Variants in TTC7B observed in about 807,000 individuals in gnomAD.
The protein encoded by TTC7B is tetratricopeptide repeat domain 7B.
A neutral mutation model predicts 106.8 loss-of-function variants in TTC7B; 28 were observed. The ratio of observed to expected loss-of-function variants is 0.26; its 90% CI spans 0.19 to 0.36. TTC7B has a LOEUF of 0.36. Ranked by LOEUF, TTC7B falls within the 10% of genes least tolerant of loss-of-function variation. The pLI is 1.00. For synonymous variants in TTC7B, 405 were observed against 430.6 expected (o/e 0.94, Z 0.74); for missense variants, 862 against 1,076.4 (o/e 0.80, Z 2.79).
At position 90,644,165 on chromosome 14, in the gene TTC7B, T is replaced by G; in HGVS notation, c.1634A>C (p.Gln545Pro). 2.5e-6 allele frequency: 4 copies of G among 1,612,366 alleles called. No homozygotes were observed. Among genetic ancestry groups the G allele is most frequent in the Non-Finnish European group, 3.4e-6 (4 of 1,179,380 alleles). Residue 545 changes from glutamine (Q) to proline (P), a missense_variant, in exon 15 of 20, where the codon CAA becomes CCA. Transcript: ENST00000328459. ...GTGCAGGGAGTTGGCATCGTCACCTTGAAGCTGAAGAGCTTGGCGGACATA... is the reference window on the plus strand; with the variant it reads ...GTGCAGGGAGTTGGCATCGTCACCTGGAAGCTGAAGAGCTTGGCGGACATA... ...LGYVRQALQL[Q>P]GDDANSLHLL...
chr14:90,786,070 G>T, intron 2 of TTC7B, 104 bp downstream of exon 2: 1 of 1,285,730 alleles, frequency 7.8e-7, no homozygotes, highest in Non-Finnish European at 1.0e-6. Context: ...AGCCCTGGCA[G>T]TGTGCAGGTG....
At chr14:90,682,512 T>A (rs1332438338) in intron 7 of TTC7B, among the ~76,000 whole-genome samples, 2 of 152,218 alleles carry the variant, frequency 1.3e-5, no homozygotes, top group Non-Finnish European at 2.9e-5. Flanking sequence ...TTCCGGCCAA[T>A]TCCTTCCCTC....
At chr14:90,764,780 G>A (rs893975078) in intron 3 of TTC7B, among the ~76,000 whole-genome samples, 1 of 152,116 alleles carries the variant, frequency 6.6e-6, no homozygotes, top group African/African-American at 2.4e-5. Context: ...ATACACTCTA[G>A]GATGGCTATA....
intron 3 of TTC7B, among the ~76,000 whole-genome samples, chr14:90,773,503 C>A (rs1890928531): frequency 6.6e-6 from 1 of 152,104 alleles, no homozygotes; most frequent in African/African-American, 2.4e-5. Context: ...CCGCAGGGAA[C>A]GATAATACTA....
rs7157773 is a variant in TTC7B, at chr14:90,666,456, C to T, written c.1153-8069G>A. On this transcript the variant is annotated intron_variant, in intron 9 of 19. Transcript: ENST00000328459. ...GATTACAGGTGTGAGCCACCACACT[C>T]GGCACTCCTAAATTAACTAAAAATG... 2.0e-3 allele frequency among the ~76,000 whole-genome samples: 310 copies of T among 152,204 alleles called. 3 individuals are homozygous for T. The highest frequency in any genetic ancestry group is 7.1e-3 in the African/African-American group (295 of 41,510).
chr14:90,661,553 T>C lies in TTC7B; in HGVS notation c.1153-3166A>G, dbSNP rs186411797. Among the ~76,000 whole-genome samples the C allele has an allele frequency of 4.5e-3, 687 of 151,800 alleles. 7 individuals carry two copies. The highest frequency in any genetic ancestry group is 0.01 in the Middle Eastern group (3 of 294). On this transcript the variant is annotated intron_variant, in intron 9 of 19. Coordinates refer to ENST00000328459, the MANE Select transcript of TTC7B (RefSeq NM_001010854.2). Reference sequence around the variant, plus strand: ...ACTTGGGGATGGGGATGAGGGACGATGGAGGAGGAGGAGATGAGAATGATC... The same window carrying C: ...ACTTGGGGATGGGGATGAGGGACGACGGAGGAGGAGGAGATGAGAATGATC...
chr14:90,795,923 T>C (rs60854008), intron 1 of TTC7B, among the ~76,000 whole-genome samples: 4,292 of 152,248 alleles, frequency 0.028, 171 homozygotes, highest in African/African-American at 0.09. Context: ...CTGATAGTCC[T>C]GGAAACAATA....
intron 19 of TTC7B, among the ~76,000 whole-genome samples, chr14:90,554,723 G>A (rs1025605115): frequency 1.3e-5 from 2 of 152,228 alleles, no homozygotes; most frequent in Non-Finnish European, 2.9e-5. Flanking sequence ...GAGGATGAGG[G>A]AGGACATTTC....
At chr14:90,729,569 G>A (rs1176695664) in intron 5 of TTC7B, among the ~76,000 whole-genome samples, 1 of 152,230 alleles carries the variant, frequency 6.6e-6, no homozygotes, top group Non-Finnish European at 1.5e-5. Flanking sequence ...GCACTCGAGA[G>A]CTGTCCCTCC....
chr14:90,686,208 A>T (rs1467998808), intron 7 of TTC7B, among the ~76,000 whole-genome samples: 1 of 152,246 alleles, frequency 6.6e-6, no homozygotes, highest in Admixed American at 6.5e-5. Flanking sequence ...ACACCACAGC[A>T]TTAGAATAAA....
At chr14:90,694,638 A>ATGTATAATATATT (rs1887609525) in intron 6 of TTC7B, among the ~76,000 whole-genome samples, 1 of 145,682 alleles carries the variant, frequency 6.9e-6, no homozygotes. Context: ...ATATATTTAT[A>ATGTATAATATATT]ACACATATGT....
chr14:90,715,874 T>A (rs543988818), intron 5 of TTC7B, among the ~76,000 whole-genome samples: 4 of 152,344 alleles, frequency 2.6e-5, no homozygotes, highest in Admixed American at 6.5e-5. Flanking sequence ...AGAAACCTAA[T>A]GAATTCACCC....
intron 15 of TTC7B, among the ~76,000 whole-genome samples, chr14:90,636,359 C>T (rs1884941851): frequency 7.0e-6 from 1 of 143,686 alleles, no homozygotes; most frequent in Non-Finnish European, 1.5e-5. Context: ...CACAGCAACT[C>T]TAAATTTATA....
rs1053941493 is a variant in TTC7B, at chr14:90,742,027, A to G, written c.576+2765T>C. Among the ~76,000 whole-genome samples, 26 of 152,206 alleles carry G rather than the reference A, an allele frequency of 1.7e-4. No individual in the cohort carries two copies. Among genetic ancestry groups the G allele is most frequent in the African/African-American group, 6.3e-4 (26 of 41,444 alleles). ...CCTTAGGCTAAAGAAGCTGCTTCCCAAATGCTACCAAAAGCTAAAGCTTAC... is the reference window on the plus strand; with the variant it reads ...CCTTAGGCTAAAGAAGCTGCTTCCCGAATGCTACCAAAAGCTAAAGCTTAC... On this transcript the variant is annotated intron_variant, in intron 4 of 19. Transcript: ENST00000328459. This position sits in a 1 kb window ranked among gnomAD's most constrained non-coding sequence, Gnocchi z 4.1.
At position 90,533,744 on chromosome 14, in the gene TTC7B, G is replaced by A. The variant is rs1400160319; in HGVS notation, c.*7624C>T. The A allele has an allele frequency of 2.0e-5, 3 of 152,402 alleles. No homozygotes were observed. The highest frequency in any genetic ancestry group is 6.5e-5 in the Admixed American group (1 of 15,294). 9.4% of individuals were successfully genotyped at this position (152,402 alleles called of 1,614,324 possible). ...GGGCCAAACAGCAGAAGATGAGGGA[G>A]ACGAGGAGGGTGGTGGGGGCTGTGG... On this transcript the variant is annotated 3_prime_UTR_variant, in exon 20 of 20. Coordinates refer to ENST00000328459, the MANE Select transcript of TTC7B (RefSeq NM_001010854.2).
intron 19 of TTC7B, among the ~76,000 whole-genome samples, chr14:90,543,982 C>A (rs1413191034): frequency 6.6e-6 from 1 of 152,228 alleles, no homozygotes; most frequent in Admixed American, 6.5e-5. Context: ...TCCATAAGCC[C>A]CCAACAGGGG....
intron 5 of TTC7B, among the ~76,000 whole-genome samples, chr14:90,718,713 G>C (rs140556976): frequency 6.6e-6 from 1 of 151,828 alleles, no homozygotes; most frequent in African/African-American, 2.4e-5. Context: ...CTCTCAGATA[G>C]ACATCTATGA....
intron 1 of TTC7B, among the ~76,000 whole-genome samples, chr14:90,797,707 A>G (rs2029967483): frequency 6.6e-6 from 1 of 152,146 alleles, no homozygotes; most frequent in Admixed American, 6.5e-5. Context: ...CAGAAATTCC[A>G]GTTTTAAGTG....
intron 9 of TTC7B, among the ~76,000 whole-genome samples, chr14:90,672,897 A>G (rs780088405): frequency 6.6e-6 from 1 of 152,208 alleles, no homozygotes; most frequent in Non-Finnish European, 1.5e-5. Flanking sequence ...AGTACTTTAC[A>G]TGGATTAATG....
Sources: allele counts gnomAD v4.1 joint callset (sites outside exome capture counted in the v4.1 genomes callset), GRCh38; gene constraint gnomAD v4.1.1; non-coding constraint Gnocchi (gnomAD v3.1); transcripts MANE v1.5; gene names NCBI Gene and HGNC (gene_info 2026-07-23, HGNC 2026-07-21).